SLC22A23: variants seen among roughly 807,000 people sequenced by gnomAD.
The protein encoded by SLC22A23 is solute carrier family 22 member 23.
SLC22A23 carries 26 observed loss-of-function variants against 61.0 expected under a neutral mutation model. The observed-to-expected ratio is 0.43, with a 90% CI of 0.31 to 0.59. SLC22A23 has a LOEUF of 0.59. Among genes scored for constraint, SLC22A23 ranks in the 20% least tolerant of loss-of-function variants. The pLI is 0.11. For synonymous variants in SLC22A23, 430 were observed against 413.9 expected (o/e 1.04, Z -0.47); for missense variants, 796 against 934.7 (o/e 0.85, Z 1.94).
chr6:3,363,578 G>C (rs961307805), intron 3 of SLC22A23, among the ~76,000 whole-genome samples: 1 of 152,230 alleles, frequency 6.6e-6, no homozygotes, highest in Non-Finnish European at 1.5e-5. Context: ...GCCCAGTGTG[G>C]GCACCTGGCA....
At chr6:3,356,343 G>A (rs1238820892) in intron 3 of SLC22A23, among the ~76,000 whole-genome samples, 9 of 151,688 alleles carry the variant, frequency 5.9e-5, no homozygotes, top group African/African-American at 2.2e-4. Flanking sequence ...TGGTAAAACA[G>A]TGTCTTAGAT....
chr6:3,404,142 C>G (rs1768630938), intron 3 of SLC22A23, among the ~76,000 whole-genome samples: 1 of 152,206 alleles, frequency 6.6e-6, no homozygotes, highest in African/African-American at 2.4e-5. Context: ...GGAAAAGCAT[C>G]CAAATACTCT....
intron 3 of SLC22A23, among the ~76,000 whole-genome samples, chr6:3,338,387 TGG>T (rs1763973448): frequency 2.0e-5 from 3 of 152,374 alleles, no homozygotes; most frequent in Admixed American, 2.0e-4. Context: ...TGGAGTGCAG[TGG>T]TATGATCTTC....
In SLC22A23 at chr6:3,269,032, AAG is replaced by A. The variant is rs1387026161; in HGVS notation, c.*4021_*4022del. ...ATTTTCGTTAAAAAATACATTAGAG[AAG>A]AGAGTTTTGGGTTACCAGTCTTTCC... On this transcript the variant is annotated 3_prime_UTR_variant, in exon 10 of 10. Coordinates refer to ENST00000406686, the MANE Select transcript of SLC22A23 (RefSeq NM_015482.2). The A allele has an allele frequency of 2.0e-5, 3 of 152,296 alleles. No homozygotes were observed. Among genetic ancestry groups the A allele is most frequent in the Non-Finnish European group, 2.9e-5 (2 of 68,020 alleles). 9.4% of individuals were successfully genotyped at this position (152,296 alleles called of 1,614,324 possible).
intron 9 of SLC22A23, among the ~76,000 whole-genome samples, chr6:3,276,040 A>C (rs1758867261): frequency 6.6e-6 from 1 of 152,250 alleles, no homozygotes; most frequent in Admixed American, 6.5e-5. Flanking sequence ...ACACAGGTCT[A>C]TGCTAATAAC....
rs112178788 is a variant in SLC22A23 at position 3,308,853 on chromosome 6, G to T, written c.1083-10635C>A. On this transcript the variant is annotated intron_variant, in intron 4 of 9. Coordinates refer to ENST00000406686, the MANE Select transcript of SLC22A23 (RefSeq NM_015482.2). The surrounding 1 kb of genome is among the most constrained non-coding windows in gnomAD (Gnocchi z 5.1). ...AGCTACTCAGGAGTCTAAGGCAGGA[G>T]AATCACTTGAACCTGGGAGGCAGAG... Among the ~76,000 whole-genome samples, 2,227 of 152,060 alleles carry T rather than the reference G, an allele frequency of 0.015. 50 individuals are homozygous for T. Among genetic ancestry groups the T allele is most frequent in the African/African-American group, 0.051 (2,114 of 41,444 alleles).
At chr6:3,323,169 C>CA in intron 4 of SLC22A23, 1 of 443,170 alleles carries the variant, frequency 2.3e-6, no homozygotes. Flanking sequence ...ACCCATAGTT[C>CA]AAAAAGGCAT....
At chr6:3,415,962 G>T in intron 1 of SLC22A23, 107 bp from the exon 2 acceptor site, 2 of 736,872 alleles carry the variant, frequency 2.7e-6, no homozygotes, top group Non-Finnish European at 2.3e-6. Context: ...CCGCACCGTT[G>T]CCAGTACCAT....
intron 9 of SLC22A23, among the ~76,000 whole-genome samples, chr6:3,280,490 C>CTTTTTTTTTTT (rs1163139930): frequency 1.7e-5 from 1 of 57,292 alleles, no homozygotes; most frequent in Non-Finnish European, 3.7e-5. Flanking sequence ...TAAGACACAA[C>CTTTTTTTTTTT]TTTTTTTTTT....
intron 2 of SLC22A23, among the ~76,000 whole-genome samples, chr6:3,413,480 C>T (rs1769422328): frequency 6.6e-6 from 1 of 152,256 alleles, no homozygotes; most frequent in African/African-American, 2.4e-5. Flanking sequence ...GGGCAGAGGG[C>T]TGCTGCAGTA....
chr6:3,441,655 C>T lies in SLC22A23; in HGVS notation c.654+14251G>A, dbSNP rs552459928. The stretch of plus-strand genomic sequence containing the variant: ...CCCTGCACCTTGTCCTGTTCTTGGG[C>T]CAAGGCACCTCACAGTGCACTGCAC... On this transcript the variant is annotated intron_variant, in intron 1 of 9. Transcript: ENST00000406686. 3.3e-3 allele frequency among the ~76,000 whole-genome samples: 503 copies of T among 152,322 alleles called. 3 individuals are homozygous for T. The highest frequency in any genetic ancestry group is 0.011 in the African/African-American group (471 of 41,566).
At chr6:3,290,208 C>T (rs769502720) in intron 5 of SLC22A23, 20 of 365,914 alleles carry the variant, frequency 5.5e-5, no homozygotes, top group East Asian at 1.4e-4. Flanking sequence ...CAGAGCTCAG[C>T]GATGATATTC....
chr6:3,273,714 T>C (rs1178515009), intron 9 of SLC22A23, among the ~76,000 whole-genome samples: 1 of 152,240 alleles, frequency 6.6e-6, no homozygotes, highest in Non-Finnish European at 1.5e-5. Flanking sequence ...AACTTTATTT[T>C]GAAAGGCAGC....
chr6:3,427,550 T>C lies in SLC22A23; in HGVS notation c.655-11695A>G, dbSNP rs928202579. 2.0e-5 allele frequency among the ~76,000 whole-genome samples: 3 copies of C among 152,066 alleles called. No individual in the cohort carries two copies. The highest frequency in any genetic ancestry group is 3.9e-4 in the East Asian group (2 of 5,168). ...AGCTGTGTTCATAGCTGGGAGATGC[T>C]GAAGGAGGAGCAGGTCCAGGTCTAC... On this transcript the variant is annotated intron_variant, in intron 1 of 9. Transcript: ENST00000406686. The surrounding 1 kb of genome is among the most constrained non-coding windows in gnomAD (Gnocchi z 4.3).
intron 3 of SLC22A23, among the ~76,000 whole-genome samples, chr6:3,401,205 G>A (rs1246634258): frequency 6.6e-6 from 1 of 152,226 alleles, no homozygotes; most frequent in African/African-American, 2.4e-5. Flanking sequence ...AGCCGGGCGT[G>A]GTGGCGCCTG....
chr6:3,334,018 T>A (rs1763716867), intron 3 of SLC22A23, among the ~76,000 whole-genome samples: 1 of 152,210 alleles, frequency 6.6e-6, no homozygotes, highest in Non-Finnish European at 1.5e-5. Context: ...CACTGAAGAG[T>A]TTTATACATC....
At chr6:3,420,445 T>C (rs1770045571) in intron 1 of SLC22A23, among the ~76,000 whole-genome samples, 1 of 152,116 alleles carries the variant, frequency 6.6e-6, no homozygotes, top group Non-Finnish European at 1.5e-5. Flanking sequence ...TTTTCCACAG[T>C]AATGAATTCT....
chr6:3,444,822 G>A, intron 1 of SLC22A23: 1 of 985,608 alleles, frequency 1.0e-6, no homozygotes, highest in Non-Finnish European at 1.2e-6. Flanking sequence ...GGCATACCTG[G>A]CTCCGAACAT....
chr6:3,315,186 C>A (rs986809731), intron 4 of SLC22A23, among the ~76,000 whole-genome samples: 2 of 151,658 alleles, frequency 1.3e-5, no homozygotes, highest in Non-Finnish European at 2.9e-5. Context: ...AAACTGCACA[C>A]ACTCACTTCC....
Sources: allele counts gnomAD v4.1 joint callset (sites outside exome capture counted in the v4.1 genomes callset), GRCh38; gene constraint gnomAD v4.1.1; non-coding constraint Gnocchi (gnomAD v3.1); transcripts MANE v1.5; gene names NCBI Gene and HGNC (gene_info 2026-07-23, HGNC 2026-07-21).